The following NUP62 variants were observed in gnomAD, a reference collection of about 807,000 sequenced individuals.
NUP62 encodes the protein nuclear pore glycoprotein p62.
For missense variants in NUP62, 647 were observed against 689.4 expected, an observed-to-expected ratio of 0.94 and a Z score of 0.69; for synonymous variants, 305 against 303.4, an observed-to-expected ratio of 1.01 and a Z score of -0.05.
intron 2 of NUP62, among the ~76,000 whole-genome samples, chr19:49,912,288 G>GC (rs1600512627): frequency 6.6e-6 from 1 of 150,696 alleles, no homozygotes; most frequent in Admixed American, 6.7e-5. Context: ...TCTCGCCTCA[G>GC]CTTCCAAGTA....
At chr19:49,912,175 T>TC (rs2075482932) in intron 2 of NUP62, among the ~76,000 whole-genome samples, 1 of 150,350 alleles carries the variant, frequency 6.7e-6, no homozygotes, top group Non-Finnish European at 1.5e-5. Flanking sequence ...CCTTTTTTTT[T>TC]TTTTTTTTTT....
In NUP62 at chr19:49,909,769, T is replaced by G. The variant is rs755335400; in HGVS notation, c.39A>C (p.Thr13=). ...TTGCAGTGCCAAACGTGAACCCGCC[T>G]GTAGGGGCCCCAGTGCCTCCAAAAT... ...GFNFGGTGAP[T]GGFTFGTAKT... is the part of the protein sequence containing the mutation. The change falls in exon 3 of 3, where the codon ACA becomes ACC. Residue 13 remains threonine, a synonymous_variant. Coordinates refer to ENST00000352066, the MANE Select transcript of NUP62 (RefSeq NM_016553.5). 23 of 1,614,042 alleles carry G rather than the reference T, an allele frequency of 1.4e-5. No individual in the cohort carries two copies. The East Asian group carries it at 5.1e-4, about 36-fold the overall frequency.
chr19:49,908,547 T>G lies in NUP62; in HGVS notation c.1261A>C (p.Ile421Leu). The G allele has an allele frequency of 6.2e-7, 1 of 1,614,170 alleles. No individual in the cohort carries two copies. The highest frequency in any genetic ancestry group is 1.3e-5 in the African/African-American group (1 of 75,052). Residue 421 changes from isoleucine to leucine, a missense_variant, in exon 3 of 3, where the codon ATC (isoleucine) becomes CTC (leucine). Transcript: ENST00000352066. ...TCCTCATCCGCGTGCTGCAGGTAGA[T>G]GGTCCCGCTCTGCTCCTTGACCAAC... ...EELVKEQSGT[I>L]YLQHADEERE...
intron 2 of NUP62, among the ~76,000 whole-genome samples, chr19:49,923,177 G>A (rs977300545): frequency 1.3e-5 from 2 of 152,166 alleles, no homozygotes; most frequent in Non-Finnish European, 2.9e-5. Flanking sequence ...GTGGCAGCCT[G>A]TGCTGTCTCC....
intron 2 of NUP62, among the ~76,000 whole-genome samples, chr19:49,915,864 T>C (rs931178988): frequency 3.3e-5 from 5 of 152,160 alleles, no homozygotes; most frequent in Non-Finnish European, 7.3e-5. Context: ...CGATAGGCCA[T>C]CTATGATGGG....
At position 49,908,014 on chromosome 19, in the gene NUP62, G is replaced by A; in HGVS notation, c.*225C>T. 2 of 910,132 alleles carry A rather than the reference G, an allele frequency of 2.2e-6. No homozygotes were observed. The highest frequency in any genetic ancestry group is 5.9e-5 in the Admixed American group (2 of 33,886). 56.4% of individuals were successfully genotyped at this position (910,132 alleles called of 1,614,324 possible). On this transcript the variant is annotated 3_prime_UTR_variant, in exon 3 of 3. Transcript: ENST00000352066. ...GAAAAGGGGCCAAAGATACTCAAATGAAAGCCACAGAAGCCACACCCATGA... is the reference window on the plus strand; with the variant it reads ...GAAAAGGGGCCAAAGATACTCAAATAAAAGCCACAGAAGCCACACCCATGA...
chr19:49,907,504 C>T lies in NUP62; in HGVS notation c.*735G>A. On this transcript the variant is annotated 3_prime_UTR_variant, in exon 3 of 3. Coordinates refer to ENST00000352066, the MANE Select transcript of NUP62 (RefSeq NM_016553.5). ...TAGCTTTCACAAGCACAAGCTCACA[C>T]TCGAAAACTAGGCTGCTGTCTCCTG... 1 of 440,060 alleles carries T rather than the reference C, an allele frequency of 2.3e-6. No homozygotes were observed. The highest frequency in any genetic ancestry group is 4.5e-6 in the Non-Finnish European group (1 of 223,112). 27.3% of individuals were successfully genotyped at this position (440,060 alleles called of 1,614,324 possible).
chr19:49,922,355 C>A (rs895792935), intron 2 of NUP62, among the ~76,000 whole-genome samples: 9 of 152,076 alleles, frequency 5.9e-5, no homozygotes, highest in African/African-American at 2.2e-4. Flanking sequence ...AGACACCAGC[C>A]CCACTTCCAG....
At chr19:49,918,986 CA>C (rs1037315655) in intron 2 of NUP62, among the ~76,000 whole-genome samples, 4 of 148,096 alleles carry the variant, frequency 2.7e-5, no homozygotes, top group Non-Finnish European at 3.0e-5. Flanking sequence ...CCCATCTCTA[CA>C]AAAAAAAATT....
At position 49,916,924 on chromosome 19, in the gene NUP62, CAAATAAA is replaced by C. The variant is rs960044340; in HGVS notation, c.-77-7047_-77-7041del. Among the ~76,000 whole-genome samples the C allele has an allele frequency of 1.1e-4, 17 of 152,286 alleles. No homozygotes were observed. The Middle Eastern group carries it at 0.01, about 91-fold the overall frequency. On this transcript the variant is annotated intron_variant, in intron 2 of 2. Transcript: ENST00000352066. ...CGGCTGAGCGAGACCCCGTCTCAAA[CAAATAAA>C]AAAGTTCTGGGAGGCACTTGAACAA...
chr19:49,914,735 T>G lies in NUP62; in HGVS notation c.-77-4851A>C, dbSNP rs1340126560. On this transcript the variant is annotated intron_variant, in intron 2 of 2. Coordinates refer to ENST00000352066, the MANE Select transcript of NUP62 (RefSeq NM_016553.5). ...GCCACTCCAAGTCCCAGTTTTTTTT[T>G]TTTTTTTTTTTTTTTTTTTTTTGAG... Among the ~76,000 whole-genome samples the G allele has an allele frequency of 5.4e-5, 6 of 111,696 alleles. No homozygotes were observed. The East Asian group carries it at 7.3e-4, about 14-fold the overall frequency. 73.3% of individuals were successfully genotyped at this position (111,696 alleles called of 152,430 possible). A position where few individuals can be genotyped will look rare whatever the true frequency, so the allele number is the denominator to read the frequency against.
At chr19:49,913,798 C>T (rs905664040) in intron 2 of NUP62, among the ~76,000 whole-genome samples, 35 of 152,200 alleles carry the variant, frequency 2.3e-4, no homozygotes, top group East Asian at 9.7e-4. Flanking sequence ...CTGTGGGCCA[C>T]GTGACAGGCG....
chr19:49,919,223 A>G (rs1440329876), intron 2 of NUP62, among the ~76,000 whole-genome samples: 2 of 152,228 alleles, frequency 1.3e-5, no homozygotes. Context: ...AAGGTACAAA[A>G]GGGAATAGTG....
chr19:49,919,678 T>C (rs1568716757), intron 2 of NUP62, among the ~76,000 whole-genome samples: 1 of 152,204 alleles, frequency 6.6e-6, no homozygotes, highest in Non-Finnish European at 1.5e-5. Flanking sequence ...AAAGGAGCTC[T>C]GGTCGCAGGA....
At chr19:49,923,860 G>A (rs2075821383) in intron 2 of NUP62, among the ~76,000 whole-genome samples, 1 of 152,244 alleles carries the variant, frequency 6.6e-6, no homozygotes. Flanking sequence ...GACCCACGCT[G>A]CGGAAGGCAG....
At chr19:49,918,915 GT>G (rs2075696034) in intron 2 of NUP62, among the ~76,000 whole-genome samples, 6 of 109,828 alleles carry the variant, frequency 5.5e-5, no homozygotes, top group African/African-American at 1.8e-4. Context: ...GGGGCGGGGT[GT>G]GGGGGGGCGG....
At chr19:49,915,428 T>C (rs2075599052) in intron 2 of NUP62, among the ~76,000 whole-genome samples, 1 of 152,166 alleles carries the variant, frequency 6.6e-6, no homozygotes, top group South Asian at 2.1e-4. Flanking sequence ...ACAGGCGGCT[T>C]CGGCCTCTAG....
chr19:49,925,592 A>C (rs1476034776), intron 2 of NUP62, among the ~76,000 whole-genome samples: 1 of 152,204 alleles, frequency 6.6e-6, no homozygotes, highest in South Asian at 2.1e-4. Context: ...AAGGACAAGG[A>C]AAGTCTAAAA....
In NUP62 at chr19:49,907,060, T is replaced by C. The variant is rs2075336654; in HGVS notation, c.*1179A>G. 1 of 155,754 alleles carries C rather than the reference T, an allele frequency of 6.4e-6. No individual in the cohort carries two copies. Among genetic ancestry groups the C allele is most frequent in the African/African-American group, 2.4e-5 (1 of 41,460 alleles). The allele number at this position is 155,754 out of a possible 1,614,324, so 9.6% of individuals were successfully genotyped here. A position where few individuals can be genotyped will look rare whatever the true frequency, so the allele number is the denominator to read the frequency against. ...TGTGGCTATTTCTGTGGACTGACGT[T>C]ACACTGGGCTTCATTGTTCTTTCAT... On this transcript the variant is annotated 3_prime_UTR_variant, in exon 3 of 3. Transcript: ENST00000352066.
Sources: gnomAD v4.1 joint callset for allele counts (sites outside exome capture counted in the v4.1 genomes callset) on GRCh38, gnomAD v4.1.1 for gene constraint, MANE v1.5 for transcripts, NCBI Gene and HGNC (gene_info 2026-07-23, HGNC 2026-07-21) for gene names.